The following MMD2 variants were observed in gnomAD, a reference collection of about 807,000 sequenced individuals.
MMD2 encodes monocyte to macrophage differentiation factor 2.
A neutral mutation model predicts 33.5 loss-of-function variants in MMD2; 30 were observed. The ratio of observed to expected loss-of-function variants is 0.90; its 90% CI spans 0.67 to 1.22. MMD2 has a LOEUF of 1.22. Ranked by LOEUF, MMD2 falls within the 50% of genes most tolerant of loss-of-function variation. The pLI, the probability that MMD2 is intolerant of heterozygous loss-of-function variation, is 0.00. For missense variants in MMD2, 364 were observed against 325.4 expected, an observed-to-expected ratio of 1.12 and a Z score of -0.91; for synonymous variants, 129 against 123.0, an observed-to-expected ratio of 1.05 and a Z score of -0.32.
intron 1 of MMD2, among the ~76,000 whole-genome samples, chr7:4,950,644 T>G (rs991966927): frequency 6.6e-6 from 1 of 152,110 alleles, no homozygotes; most frequent in Admixed American, 6.6e-5. Context: ...ATGAATGTCC[T>G]TGTGGTTCAT....
chr7:4,932,475 G>A (rs757214664), intron 1 of MMD2, among the ~76,000 whole-genome samples: 2 of 151,892 alleles, frequency 1.3e-5, no homozygotes, highest in African/African-American at 2.4e-5. Context: ...TGACAAATAC[G>A]GAGAGTCCTG....
At chr7:4,892,874 C>T in the MMD2 span, among the ~76,000 whole-genome samples, 28 of 152,110 alleles carry the variant, frequency 1.8e-4, no homozygotes, top group African/African-American at 4.8e-4. Context: ...GCCACCACAC[C>T]TAGCTAATTT....
At chr7:4,912,429 T>G (rs879855947) in intron 4 of MMD2, among the ~76,000 whole-genome samples, 89 of 149,256 alleles carry the variant, frequency 6.0e-4, no homozygotes, top group Non-Finnish European at 1.1e-3. Context: ...AGGCGTGGTG[T>G]CGGGCGCCTG....
intron 3 of MMD2, among the ~76,000 whole-genome samples, chr7:4,917,842 G>C (rs557771237): frequency 6.6e-6 from 1 of 152,244 alleles, no homozygotes; most frequent in African/African-American, 2.4e-5. Context: ...AATGAGTCAA[G>C]CCCCTAGTAT....
intron 2 of MMD2, among the ~76,000 whole-genome samples, chr7:4,923,935 G>C (rs1583372072): frequency 6.6e-6 from 1 of 152,174 alleles, no homozygotes; most frequent in African/African-American, 2.4e-5. Context: ...GCTCACACCT[G>C]TAATCCCAGC....
In MMD2 at chr7:4,940,563, C is replaced by A. The variant is rs1562491529; in HGVS notation, c.48-15031G>T. On this transcript the variant is annotated intron_variant, in intron 1 of 6. Coordinates refer to ENST00000401401, the MANE Select transcript of MMD2 (RefSeq NM_198403.4). The surrounding 1 kb of genome is among the most constrained non-coding windows in gnomAD (Gnocchi z 5.0). ...CCCCGGCCGTGCTAAGCCTCTCTCC[C>A]CCTCTCCGCTTGGCCCTGGCCGCTT... Among the ~76,000 whole-genome samples, 2 of 152,246 alleles carry A rather than the reference C, an allele frequency of 1.3e-5. No individual in the cohort carries two copies. The highest frequency in any genetic ancestry group is 4.8e-5 in the African/African-American group (2 of 41,468).
chr7:4,913,800 C>T (rs1785073942), intron 4 of MMD2, among the ~76,000 whole-genome samples: 1 of 150,342 alleles, frequency 6.7e-6, no homozygotes, highest in African/African-American at 2.5e-5. Flanking sequence ...TAGTTGGGAC[C>T]ACAGGTGCCT....
intron 1 of MMD2, among the ~76,000 whole-genome samples, chr7:4,953,657 G>C (rs867841704): frequency 1.3e-5 from 2 of 151,464 alleles, no homozygotes; most frequent in Non-Finnish European, 2.9e-5. Flanking sequence ...TTTTAGTAGA[G>C]ACAGGGTTTC....
chr7:4,923,499 C>T (rs758304899), intron 2 of MMD2, among the ~76,000 whole-genome samples: 1 of 152,212 alleles, frequency 6.6e-6, no homozygotes, highest in Non-Finnish European at 1.5e-5. Context: ...GCAACACTCA[C>T]AGCCACCCTT....
Position 4,959,187 on chromosome 7 carries a change from C to G in MMD2, c.-170G>C, listed in dbSNP as rs1465455918. 2.7e-5 allele frequency: 6 copies of G among 220,018 alleles called. No individual in the cohort carries two copies. Among genetic ancestry groups the G allele is most frequent in the African/African-American group, 7.7e-5 (3 of 38,792 alleles). The allele number at this position is 220,018 out of a possible 1,614,324, so 13.6% of individuals were successfully genotyped here. A position where few individuals can be genotyped will look rare whatever the true frequency, so the allele number is the denominator to read the frequency against. On this transcript the variant is annotated 5_prime_UTR_variant, in exon 1 of 7. Transcript: ENST00000401401. ...AGCCCGAGCCGGAGCTGGAGGCGCC[C>G]GGAGCCGCCGACGCCAAATCCCGAG...
At position 4,911,306 on chromosome 7, in the gene MMD2, C is replaced by T. The variant is rs1256246839; in HGVS notation, c.366-60G>A. 7 of 1,377,574 alleles carry T rather than the reference C, an allele frequency of 5.1e-6. No homozygotes were observed. The Admixed American group carries it at 8.2e-5, about 16-fold the overall frequency. The allele number at this position is 1,377,574 out of a possible 1,614,324, so 85.3% of individuals were successfully genotyped here. On this transcript the variant is annotated intron_variant, in intron 4 of 6. Transcript: ENST00000401401. ...GGGGGCCCACCAGGACCCCGGCCCT[C>T]GAGGACCGGCCTGTCACAGGAAATG...
intron 1 of MMD2, among the ~76,000 whole-genome samples, chr7:4,944,986 C>T (rs1048340960): frequency 2.0e-5 from 3 of 149,882 alleles, no homozygotes; most frequent in African/African-American, 7.4e-5. Flanking sequence ...AGCCAGGATG[C>T]TCTTTCTTCT....
chr7:4,907,718 TC>T, intron 6 of MMD2, 119 bp from the exon 7 acceptor site: 1 of 875,772 alleles, frequency 1.1e-6, no homozygotes, highest in Non-Finnish European at 1.8e-6. Context: ...CAGCCCAGAC[TC>T]CCAGGTGGGA....
At chr7:4,910,261 C>A (rs1209101740) in intron 5 of MMD2, among the ~76,000 whole-genome samples, 1 of 152,130 alleles carries the variant, frequency 6.6e-6, no homozygotes, top group Non-Finnish European at 1.5e-5. Context: ...GATGCTCAGC[C>A]CATGGTAGAC....
At chr7:4,918,584 A>C (rs1785199419) in intron 3 of MMD2, among the ~76,000 whole-genome samples, 1 of 151,154 alleles carries the variant, frequency 6.6e-6, no homozygotes. Context: ...ACCAGGTTCA[A>C]GCAATTCTCG....
At chr7:4,900,622 T>G in the MMD2 span, among the ~76,000 whole-genome samples, 2 of 152,020 alleles carry the variant, frequency 1.3e-5, no homozygotes, top group Admixed American at 6.6e-5. Context: ...CCATGACTCC[T>G]CACCTCCCAC....
intron 2 of MMD2, among the ~76,000 whole-genome samples, chr7:4,923,101 C>CT (rs879361071): frequency 0.034 from 4,924 of 144,730 alleles, 261 homozygotes; most frequent in African/African-American, 0.11. Context: ...CAATTCAGCA[C>CT]TTTTTTTTTT....
intron 1 of MMD2, among the ~76,000 whole-genome samples, chr7:4,930,879 C>T (rs761062733): frequency 6.6e-6 from 1 of 152,114 alleles, no homozygotes; most frequent in Admixed American, 6.5e-5. Flanking sequence ...GAGACCGAGT[C>T]TTGCTCTATC....
At position 4,907,206 on chromosome 7, in the gene MMD2, A is replaced by G; in HGVS notation, c.*190T>C. 1 of 601,364 alleles carries G rather than the reference A, an allele frequency of 1.7e-6. No individual in the cohort carries two copies. Among genetic ancestry groups the G allele is most frequent in the Non-Finnish European group, 3.0e-6 (1 of 335,538 alleles). 37.3% of individuals were successfully genotyped at this position (601,364 alleles called of 1,614,324 possible). ...ACAGGGTTAATTTCTCCTCTGTAAG[A>G]ATGGCTAAATGCTTTCTTTCTCGCT... On this transcript the variant is annotated 3_prime_UTR_variant, in exon 7 of 7. Coordinates refer to ENST00000401401, the MANE Select transcript of MMD2 (RefSeq NM_198403.4).
Sources: allele counts gnomAD v4.1 joint callset (sites outside exome capture counted in the v4.1 genomes callset), GRCh38; gene constraint gnomAD v4.1.1; non-coding constraint Gnocchi (gnomAD v3.1); transcripts MANE v1.5; gene names NCBI Gene and HGNC (gene_info 2026-07-23, HGNC 2026-07-21).